Variants in ZDHHC9 observed in about 807,000 individuals in gnomAD.
The protein encoded by ZDHHC9 is zDHHC palmitoyltransferase 9.
A neutral mutation model predicts 26.6 loss-of-function variants in ZDHHC9; 3 were observed. The ratio of observed to expected loss-of-function variants is 0.11; its 90% CI spans 0.05 to 0.29. ZDHHC9 has a LOEUF of 0.29. ZDHHC9 is among the 10% of genes least tolerant of loss of function. ZDHHC9 has a pLI of 1.00. For missense variants in ZDHHC9, 146 were observed against 296.4 expected (o/e 0.49, Z 3.73); for synonymous variants, 111 against 109.4 (o/e 1.01, Z -0.09).
chrX:129,810,778 T>A (rs1273429750), intron 10 of ZDHHC9, 127 bp downstream of exon 10: 9 of 558,796 alleles, frequency 1.6e-5, no homozygotes, highest in Non-Finnish European at 2.8e-5. Context: ...GAAGGCAACA[T>A]CAGGGCAGGT....
intron 5 of ZDHHC9, among the ~76,000 whole-genome samples, chrX:129,820,425 C>G (rs868675012): frequency 1.5e-5 from 1 of 64,874 alleles, no homozygotes; most frequent in Non-Finnish European, 3.5e-5. Flanking sequence ...ACAAAAAATA[C>G]AAAAAAAAAA....
chrX:129,803,561 G>T lies in ZDHHC9; in HGVS notation c.*2809C>A, dbSNP rs1028126544. 8.9e-6 allele frequency: 1 copy of T among 112,414 alleles called. No homozygotes were observed. The highest frequency in any genetic ancestry group is 3.2e-5 in the African/African-American group (1 of 30,930). 9.3% of individuals were successfully genotyped at this position (112,414 alleles called of 1,213,427 possible). ...ACGGGTGCTTTATGGGTAAAGGCAG[G>T]ATGGTCAGGACAGGGAGAATGGAAT... On this transcript the variant is annotated 3_prime_UTR_variant, in exon 11 of 11. Transcript: ENST00000357166.
At chrX:129,834,286 T>C (rs979132983) in intron 3 of ZDHHC9, among the ~76,000 whole-genome samples, 1 of 111,726 alleles carries the variant, frequency 9.0e-6, no homozygotes, top group Non-Finnish European at 1.9e-5. Flanking sequence ...ACCCAGTCGA[T>C]GGTAGTTTCT....
chrX:129,826,187 A>C (rs1330859992), intron 4 of ZDHHC9, among the ~76,000 whole-genome samples: 1 of 111,882 alleles, frequency 8.9e-6, no homozygotes, highest in East Asian at 2.8e-4. Flanking sequence ...TAAAAGGATG[A>C]GGACAGCTAT....
chrX:129,814,904 G>A (rs1927725042), intron 5 of ZDHHC9, 109 bp from the exon 6 acceptor site: 2 of 797,312 alleles, frequency 2.5e-6, no homozygotes, highest in African/African-American at 4.6e-5. Flanking sequence ...GTCTATTTCA[G>A]TTGTAAAAAA....
chrX:129,827,237 A>G (rs1928035377), intron 4 of ZDHHC9, among the ~76,000 whole-genome samples: 1 of 88,310 alleles, frequency 1.1e-5, no homozygotes, highest in South Asian at 7.5e-4. Flanking sequence ...GAAGAAAGGA[A>G]GGAAAGGAAG....
At chrX:129,839,799 AT>A (rs1415013470) in intron 3 of ZDHHC9, among the ~76,000 whole-genome samples, 1 of 110,538 alleles carries the variant, frequency 9.0e-6, no homozygotes, top group Non-Finnish European at 1.9e-5. Flanking sequence ...CTGTGGTCAC[AT>A]TTCCACCTCC....
intron 5 of ZDHHC9, among the ~76,000 whole-genome samples, chrX:129,815,912 C>T (rs1485267082): frequency 9.0e-6 from 1 of 111,729 alleles, no homozygotes; most frequent in African/African-American, 3.3e-5. Context: ...CACACACACA[C>T]ATGCACACAC....
chrX:129,836,495 G>A (rs1429451943), intron 3 of ZDHHC9, among the ~76,000 whole-genome samples: 1 of 111,526 alleles, frequency 9.0e-6, no homozygotes, highest in Non-Finnish European at 1.9e-5. Context: ...ATGTTGGCCC[G>A]GCTGGTCTCG....
intron 4 of ZDHHC9, 61 bp downstream of exon 4, chrX:129,828,920 T>C (rs1426316292): frequency 8.4e-7 from 1 of 1,186,053 alleles, no homozygotes; most frequent in Non-Finnish European, 1.1e-6. Flanking sequence ...TATGATTCCA[T>C]TCTCTTACTG....
chrX:129,836,692 G>A (rs1484526628), intron 3 of ZDHHC9, among the ~76,000 whole-genome samples: 21 of 112,130 alleles, frequency 1.9e-4, no homozygotes, highest in Non-Finnish European at 3.9e-4. Flanking sequence ...GACCAGGAGT[G>A]GCCACAGCAG....
chrX:129,827,208 A>C (rs1402556099), intron 4 of ZDHHC9, among the ~76,000 whole-genome samples: 2 of 100,862 alleles, frequency 2.0e-5, no homozygotes, highest in Non-Finnish European at 4.0e-5. Flanking sequence ...AAAAGAAGAA[A>C]GGAAGGAAAA....
At chrX:129,842,752 C>A (rs966908474) in intron 2 of ZDHHC9, among the ~76,000 whole-genome samples, 2 of 112,547 alleles carry the variant, frequency 1.8e-5, no homozygotes, top group East Asian at 2.8e-4. Context: ...TTCCTGAGTC[C>A]GGGAAATGAA....
chrX:129,811,879 C>A (rs1429305688), intron 8 of ZDHHC9, among the ~76,000 whole-genome samples: 1 of 110,958 alleles, frequency 9.0e-6, no homozygotes, highest in Admixed American at 9.6e-5. Flanking sequence ...AAGCAGATAA[C>A]TGAATGATAT....
intron 5 of ZDHHC9, among the ~76,000 whole-genome samples, chrX:129,817,741 T>TC (rs1296151537): frequency 9.1e-6 from 1 of 110,294 alleles, no homozygotes; most frequent in Non-Finnish European, 1.9e-5. Flanking sequence ...TCTTTTTGTG[T>TC]CTTTTTTTTT....
intron 4 of ZDHHC9, among the ~76,000 whole-genome samples, chrX:129,824,322 C>T (rs937647053): frequency 2.7e-5 from 3 of 111,287 alleles, no homozygotes; most frequent in South Asian, 3.8e-4. Flanking sequence ...CTCGCTCTGT[C>T]GCCCAGGCTG....
At chrX:129,829,181 C>T (rs765020031) in intron 3 of ZDHHC9, 40 bp from the exon 4 acceptor site, 1 of 1,191,762 alleles carries the variant, frequency 8.4e-7, no homozygotes, top group Non-Finnish European at 1.1e-6. Flanking sequence ...TGATACCTAC[C>T]CTATATTGAT....
chrX:129,837,935 G>A (rs1171702965), intron 3 of ZDHHC9, among the ~76,000 whole-genome samples: 1 of 112,256 alleles, frequency 8.9e-6, no homozygotes, highest in Non-Finnish European at 1.9e-5. Context: ...ATGTCTCCTA[G>A]GTTGTCAGTG....
At chrX:129,823,945 CCT>C in intron 4 of ZDHHC9, 108 bp from the exon 5 acceptor site, 1 of 747,106 alleles carries the variant, frequency 1.3e-6, no homozygotes, top group African/African-American at 2.0e-5. Flanking sequence ...CCCCAAGCCC[CCT>C]GTCTTTTATA....
Sources: gnomAD v4.1 joint callset for allele counts (sites outside exome capture counted in the v4.1 genomes callset) on GRCh38, gnomAD v4.1.1 for gene constraint, MANE v1.5 for transcripts, NCBI Gene and HGNC (gene_info 2026-07-23, HGNC 2026-07-21) for gene names.